Variants in NAALADL1 observed in about 807,000 individuals in gnomAD.
NAALADL1 encodes the protein aminopeptidase NAALADL1.
Under a neutral mutation model 82.8 loss-of-function variants are expected in NAALADL1, and 77 were observed. That is an observed-to-expected ratio of 0.93 (90% confidence interval 0.77 to 1.12). NAALADL1 has a LOEUF of 1.12. Among genes scored for constraint, NAALADL1 ranks in the 50% most tolerant of loss-of-function variants. NAALADL1 has a pLI of 0.00. For synonymous variants in NAALADL1, 358 were observed against 399.2 expected (o/e 0.90, Z 1.23); for missense variants, 956 against 964.0 (o/e 0.99, Z 0.11).
At chr11:65,060,136 GTGTGTGTGTGTGCACGTGCA>G (rs1412733842), upstream of NAALADL1, among the ~76,000 whole-genome samples, 31 of 151,520 alleles carry the variant, frequency 2.0e-4, no homozygotes, top group Non-Finnish European at 7.4e-5. Flanking sequence ...GTGTGTGTGT[GTGTGTGTGTGTGCACGTGCA>G]TGTGTGTGTG....
At position 65,058,325 on chromosome 11, in the gene NAALADL1, C is replaced by T. The variant is rs747797777; in HGVS notation, c.185+12G>A. 3.7e-5 allele frequency: 59 copies of T among 1,613,936 alleles called. No homozygotes were observed. Among genetic ancestry groups the T allele is most frequent in the Non-Finnish European group, 5.0e-5 (59 of 1,179,956 alleles). On this transcript the variant is annotated intron_variant, in intron 1 of 17. Transcript: ENST00000358658. ...TCTGGCAAACGGAGGAGCAGATGGC[C>T]CCACTTCTCACCTGAGGTTCTCCCG...
chr11:65,057,791 C>T lies in NAALADL1; in HGVS notation c.480+84G>A, dbSNP rs188956471. 7.1e-5 allele frequency: 112 copies of T among 1,582,746 alleles called. No homozygotes were observed. In the African/African-American group the frequency reaches 1.3e-3, roughly 19 times the overall value. On this transcript the variant is annotated intron_variant, in intron 3 of 17. Coordinates refer to ENST00000358658, the MANE Select transcript of NAALADL1 (RefSeq NM_005468.3). ...AGGGCGCGCTGTGCCCCAGTTGAGG[C>T]ACGTTCCCTGGGTCAGGGTGGGGAG... is the stretch of plus-strand genomic sequence containing the variant.
In NAALADL1 at chr11:65,054,077, G is replaced by A. The variant is rs890774820; in HGVS notation, c.992+173C>T. Among the ~76,000 whole-genome samples, 4 of 152,164 alleles carry A rather than the reference G, an allele frequency of 2.6e-5. No individual in the cohort carries two copies. The highest frequency in any genetic ancestry group is 4.1e-4 in the South Asian group (2 of 4,830). ...CAGGAAACAGCAGCAGCTGTTTCAC[G>A]GGCTTCCCCAAAAACAAGACATATT... On this transcript the variant is annotated intron_variant, in intron 6 of 17. Coordinates refer to ENST00000358658, the MANE Select transcript of NAALADL1 (RefSeq NM_005468.3). The surrounding 1 kb of genome is among the most constrained non-coding windows in gnomAD (Gnocchi z 4.3).
Position 65,048,325 on chromosome 11 carries a change from A to G in NAALADL1, c.1259T>C (p.Leu420Pro). The change falls in exon 9 of 18, where the codon CTC becomes CCC. Residue 420 changes from leucine (L) to proline (P), a missense_variant. Coordinates refer to ENST00000358658, the MANE Select transcript of NAALADL1 (RefSeq NM_005468.3). ...FASWGAEEFG[L>P]IGSTEFTEEF... ...TTCTGTGAATTCCGTGGAGCCAATG[A>G]GCCCAAACTCCTCAGCCCCCCAGCT... 6.2e-7 allele frequency: 1 copy of G among 1,614,176 alleles called. No homozygotes were observed.
upstream of NAALADL1, chr11:65,058,629 AC>A (rs1947117178): frequency 9.1e-6 from 10 of 1,095,250 alleles, no homozygotes; most frequent in South Asian, 8.4e-5. Flanking sequence ...CTGCCCTTTG[AC>A]CCCCAGCTGG....
At position 65,046,012 on chromosome 11, in the gene NAALADL1, G is replaced by A. The variant is rs778959484; in HGVS notation, c.1943+15C>T. Reference sequence around the variant, plus strand: ...GGTGCTGCCCTCCCAGCCCCTGCCCGCTGCCCTTGCTCACTCAGGGCTGCC... The same window carrying A: ...GGTGCTGCCCTCCCAGCCCCTGCCCACTGCCCTTGCTCACTCAGGGCTGCC... On this transcript the variant is annotated intron_variant, in intron 16 of 17. Transcript: ENST00000358658. 22 of 1,612,708 alleles carry A rather than the reference G, an allele frequency of 1.4e-5. No homozygotes were observed. Among genetic ancestry groups the A allele is most frequent in the East Asian group, 2.2e-5 (1 of 44,888 alleles).
upstream of NAALADL1, among the ~76,000 whole-genome samples, chr11:65,059,498 C>A (rs561832383): frequency 6.6e-6 from 1 of 152,154 alleles, no homozygotes; most frequent in South Asian, 2.1e-4. Context: ...GGGAGCCCAG[C>A]GATACGAGGA....
intron 4 of NAALADL1, among the ~76,000 whole-genome samples, chr11:65,056,191 T>TA (rs959373546): frequency 1.3e-5 from 2 of 151,952 alleles, no homozygotes; most frequent in African/African-American, 4.8e-5. Flanking sequence ...AGCCCACTTT[T>TA]AAAAAAATTG....
chr11:65,058,889 C>T (rs116751770), upstream of NAALADL1, among the ~76,000 whole-genome samples: 1,761 of 152,292 alleles, frequency 0.012, 39 homozygotes, highest in African/African-American at 0.04. Context: ...TGCCTCCCTC[C>T]AAGGCAGCCG....
In NAALADL1 at chr11:65,049,661, C is replaced by A. The variant is rs1046037558; in HGVS notation, c.1199-1276G>T. On this transcript the variant is annotated intron_variant, in intron 8 of 17. Coordinates refer to ENST00000358658, the MANE Select transcript of NAALADL1 (RefSeq NM_005468.3). ...TGAGGCAAGGAGGATCACTTAAGCC[C>A]AAGAGTTCGAGACCAGCCTCAGTAA... Among the ~76,000 whole-genome samples, 5 of 152,010 alleles carry A rather than the reference C, an allele frequency of 3.3e-5. No homozygotes were observed. The East Asian group carries it at 9.8e-4, about 30-fold the overall frequency.
Position 65,045,230 on chromosome 11 carries a change from A to G in NAALADL1, c.*41T>C. 1 of 1,587,704 alleles carries G rather than the reference A, an allele frequency of 6.3e-7. No homozygotes were observed. Among genetic ancestry groups the G allele is most frequent in the Non-Finnish European group, 8.6e-7 (1 of 1,165,430 alleles). On this transcript the variant is annotated 3_prime_UTR_variant, in exon 18 of 18. Transcript: ENST00000358658. ...GACATCTCAGGAAAGCAGGCAGGAG[A>G]GGGTTGGAGTAAAGGGAGGGCTGAA... is the stretch of plus-strand genomic sequence containing the variant.
Position 65,047,637 on chromosome 11 carries a change from C to A in NAALADL1, c.1508+10G>T. 1 of 1,598,454 alleles carries A rather than the reference C, an allele frequency of 6.3e-7. No individual in the cohort carries two copies. The highest frequency in any genetic ancestry group is 2.3e-5 in the East Asian group (1 of 44,288). On this transcript the variant is annotated intron_variant, in intron 12 of 17. Coordinates refer to ENST00000358658, the MANE Select transcript of NAALADL1 (RefSeq NM_005468.3). ...CCTCGCTCCGGGCCCCCTTCTGTCC[C>A]TGGGCTTACCTGGGGACCAGGCCGT...
intron 8 of NAALADL1, among the ~76,000 whole-genome samples, chr11:65,050,440 T>C (rs1299513186): frequency 6.7e-6 from 1 of 150,316 alleles, no homozygotes; most frequent in Non-Finnish European, 1.5e-5. Flanking sequence ...ATGGCGCCAC[T>C]GCACTCCAAC....
At chr11:65,045,500 G>C in intron 17 of NAALADL1, 43 bp from the exon 18 acceptor site, 1 of 1,536,314 alleles carries the variant, frequency 6.5e-7, no homozygotes, top group Non-Finnish European at 8.8e-7. Context: ...GTCAGTCAGG[G>C]GCCAGGAAAG....
Position 65,053,586 on chromosome 11 carries a change from G to T in NAALADL1, c.993-10C>A. The T allele has an allele frequency of 6.3e-7, 1 of 1,582,794 alleles. No homozygotes were observed. The highest frequency in any genetic ancestry group is 8.6e-7 in the Non-Finnish European group (1 of 1,162,854). On this transcript the variant is annotated splice_polypyrimidine_tract_variant and intron_variant, in intron 6 of 17. Coordinates refer to ENST00000358658, the MANE Select transcript of NAALADL1 (RefSeq NM_005468.3). The surrounding 1 kb of genome is among the most constrained non-coding windows in gnomAD (Gnocchi z 4.3). ...GCTCACATTCACCTGGCTGGGGAGG[G>T]TGAAGGGTGTGAGAAGACTCTTGGC...
At chr11:65,050,431 T>TC (rs1946855744) in intron 8 of NAALADL1, among the ~76,000 whole-genome samples, 1 of 150,992 alleles carries the variant, frequency 6.6e-6, no homozygotes, top group Non-Finnish European at 1.5e-5. Flanking sequence ...TGAGCCGAGA[T>TC]GGCGCCACTG....
In NAALADL1 at chr11:65,054,159, A is replaced by C. The variant is rs991023553; in HGVS notation, c.992+91T>G. The C allele has an allele frequency of 4.4e-6, 5 of 1,138,634 alleles. No individual in the cohort carries two copies. The highest frequency in any genetic ancestry group is 4.7e-5 in the East Asian group (2 of 42,108). The allele number at this position is 1,138,634 out of a possible 1,614,324, so 70.5% of individuals were successfully genotyped here. On this transcript the variant is annotated intron_variant, in intron 6 of 17. Coordinates refer to ENST00000358658, the MANE Select transcript of NAALADL1 (RefSeq NM_005468.3). The surrounding 1 kb of genome is among the most constrained non-coding windows in gnomAD (Gnocchi z 4.3). ...GAAAGGGAAAAAGGTCAGGCTTTGA[A>C]GTGGAAAGAGGGAACATCATCACAA...
At chr11:65,048,518 C>T (rs1406850325) in intron 8 of NAALADL1, 133 bp from the exon 9 acceptor site, 1 of 965,604 alleles carries the variant, frequency 1.0e-6, no homozygotes, top group African/African-American at 1.6e-5. Flanking sequence ...TCCTGGCACC[C>T]TGCAGCCAGG....
chr11:65,057,770 C>T (rs1947082207), intron 3 of NAALADL1, 105 bp downstream of exon 3: 10 of 1,523,074 alleles, frequency 6.6e-6, no homozygotes, highest in South Asian at 3.6e-5. Context: ...TTCCGGAGGG[C>T]GCGCTGTGCC....
Sources: allele counts gnomAD v4.1 joint callset (sites outside exome capture counted in the v4.1 genomes callset), GRCh38; gene constraint gnomAD v4.1.1; non-coding constraint Gnocchi (gnomAD v3.1); transcripts MANE v1.5; gene names NCBI Gene and HGNC (gene_info 2026-07-23, HGNC 2026-07-21).